Variants in DPP6 observed in about 807,000 individuals in gnomAD.
DPP6 encodes dipeptidyl peptidase like 6.
A neutral mutation model predicts 122.6 loss-of-function variants in DPP6; 69 were observed. The observed-to-expected ratio is 0.56, with a 90% CI of 0.46 to 0.69. DPP6 has a LOEUF of 0.69. Among genes scored for constraint, DPP6 ranks in the 30% least tolerant of loss-of-function variants. The pLI, the probability that DPP6 is intolerant of heterozygous loss-of-function variation, is 0.00. For missense variants in DPP6, 928 were observed against 1,116.9 expected (o/e 0.83, Z 2.41); for synonymous variants, 418 against 433.1 (o/e 0.97, Z 0.43).
chr7:154,575,302 G>A (rs1178986948), intron 5 of DPP6, among the ~76,000 whole-genome samples: 1,928 of 97,772 alleles, frequency 0.02, 24 homozygotes, highest in South Asian at 0.053. Context: ...GTGTGTGGGG[G>A]GTGTATGTGT....
At chr7:154,541,738 C>T (rs1201691333) in intron 4 of DPP6, among the ~76,000 whole-genome samples, 2 of 152,092 alleles carry the variant, frequency 1.3e-5, no homozygotes, top group African/African-American at 4.8e-5. Flanking sequence ...TGGTATGAAT[C>T]AGAAACACAG....
intron 1 of DPP6, among the ~76,000 whole-genome samples, chr7:154,176,362 C>T (rs185192031): frequency 1.1e-4 from 16 of 152,250 alleles, no homozygotes; most frequent in Admixed American, 1.0e-3. Flanking sequence ...CATTTGAAAC[C>T]CACTGCTGTG....
chr7:154,189,959 C>T (rs1251047504), intron 1 of DPP6, among the ~76,000 whole-genome samples: 1 of 152,120 alleles, frequency 6.6e-6, no homozygotes, highest in African/African-American at 2.4e-5. Context: ...CCTTAAATAC[C>T]GTCCTTTTAG....
At chr7:154,017,512 G>A (rs1188800432) in intron 1 of DPP6, among the ~76,000 whole-genome samples, 1 of 151,694 alleles carries the variant, frequency 6.6e-6, no homozygotes, top group Non-Finnish European at 1.5e-5. Context: ...GGACAACATA[G>A]TACGGGCCTG....
chr7:154,787,209 C>T (rs1346009554), intron 10 of DPP6, among the ~76,000 whole-genome samples: 1 of 152,130 alleles, frequency 6.6e-6, no homozygotes, highest in Non-Finnish European at 1.5e-5. Flanking sequence ...ATAATAATCC[C>T]TTGTCATTGC....
At chr7:153,932,920 G>T (rs1801239876) in intron 1 of DPP6, among the ~76,000 whole-genome samples, 1 of 152,108 alleles carries the variant, frequency 6.6e-6, no homozygotes, top group Non-Finnish European at 1.5e-5. Flanking sequence ...TTTGAATCCT[G>T]GGGGCAGATT....
chr7:154,361,416 G>A (rs1300428299), intron 1 of DPP6, among the ~76,000 whole-genome samples: 5 of 152,110 alleles, frequency 3.3e-5, no homozygotes, highest in Non-Finnish European at 7.3e-5. Context: ...TGCCTGCACT[G>A]GTGATGACAT....
chr7:153,767,820 T>A, the DPP6 span, among the ~76,000 whole-genome samples: 1 of 152,192 alleles, frequency 6.6e-6, no homozygotes, highest in African/African-American at 2.4e-5. Context: ...GCAGCACTAT[T>A]GTGTTGAGGG....
intron 1 of DPP6, among the ~76,000 whole-genome samples, chr7:153,957,796 C>G (rs933611384): frequency 6.6e-6 from 1 of 152,174 alleles, no homozygotes; most frequent in African/African-American, 2.4e-5. Context: ...ACTTTCTCAA[C>G]AAGTTTACAT....
At chr7:154,004,628 T>C (rs1797831239) in intron 1 of DPP6, among the ~76,000 whole-genome samples, 1 of 151,316 alleles carries the variant, frequency 6.6e-6, no homozygotes, top group Non-Finnish European at 1.5e-5. Context: ...CGTTGTTCTT[T>C]TAACTCTGAA....
At chr7:154,411,703 A>C (rs549739411) in intron 1 of DPP6, among the ~76,000 whole-genome samples, 57 of 152,308 alleles carry the variant, frequency 3.7e-4, no homozygotes, top group Middle Eastern at 3.4e-3. Context: ...GCTCAACGAT[A>C]CTTCTTGGCA....
At chr7:154,855,695 G>C (rs759566405) in intron 17 of DPP6, among the ~76,000 whole-genome samples, 8 of 152,222 alleles carry the variant, frequency 5.3e-5, no homozygotes, top group Non-Finnish European at 1.0e-4. Flanking sequence ...CCAAGGCCTG[G>C]GGTCGGTGGA....
chr7:154,585,046 C>A (rs1450537804), intron 5 of DPP6, among the ~76,000 whole-genome samples: 1 of 152,144 alleles, frequency 6.6e-6, no homozygotes, highest in Non-Finnish European at 1.5e-5. Flanking sequence ...CCCCAAAAAA[C>A]TCCCCCTGCT....
At chr7:153,842,483 A>C in the DPP6 span, among the ~76,000 whole-genome samples, 2 of 151,736 alleles carry the variant, frequency 1.3e-5, no homozygotes, top group Non-Finnish European at 2.9e-5. Context: ...TCTATTTTGC[A>C]TTCAATCTTT....
chr7:154,669,535 GTGT>G (rs869127209), intron 7 of DPP6, 94 bp downstream of exon 7: 1 of 1,371,310 alleles, frequency 7.3e-7, no homozygotes, highest in Non-Finnish European at 9.4e-7. Flanking sequence ...CCTGTACATG[GTGT>G]TGTGTGTGTG....
intron 1 of DPP6, among the ~76,000 whole-genome samples, chr7:154,312,731 G>C (rs1017883552): frequency 6.6e-6 from 1 of 152,122 alleles, no homozygotes; most frequent in East Asian, 1.9e-4. Flanking sequence ...TCCATCTTGT[G>C]GACATGCTCA....
At chr7:154,051,328 G>A (rs1289577217), upstream of DPP6, among the ~76,000 whole-genome samples, 9 of 133,446 alleles carry the variant, frequency 6.7e-5, 1 homozygote, top group South Asian at 2.5e-4. Flanking sequence ...CTTCCCGGCC[G>A]GGAAGGGCTG....
At chr7:154,398,554 C>G (rs947151974) in intron 1 of DPP6, among the ~76,000 whole-genome samples, 1 of 152,068 alleles carries the variant, frequency 6.6e-6, no homozygotes, top group Admixed American at 6.5e-5. Flanking sequence ...TTTCTTTTTC[C>G]TTTCTATTTT....
chr7:153,955,084 G>A (rs1280093664), intron 1 of DPP6, among the ~76,000 whole-genome samples: 1 of 152,170 alleles, frequency 6.6e-6, no homozygotes, highest in East Asian at 1.9e-4. Flanking sequence ...CTGCGAGAAT[G>A]TAGCATCTCT....
Sources: gnomAD v4.1 joint callset for allele counts (sites outside exome capture counted in the v4.1 genomes callset) on GRCh38, gnomAD v4.1.1 for gene constraint, MANE v1.5 for transcripts, NCBI Gene and HGNC (gene_info 2026-07-23, HGNC 2026-07-21) for gene names.